The following NFAM1 variants were observed in gnomAD, a reference collection of about 807,000 sequenced individuals.
The protein encoded by NFAM1 is NFAT activating protein with ITAM motif 1.
Under a neutral mutation model 29.0 loss-of-function variants are expected in NFAM1, and 17 were observed. That is an observed-to-expected ratio of 0.59 (90% CI 0.40 to 0.88). The LOEUF (loss-of-function observed/expected upper bound fraction) is 0.88. Among genes scored for constraint, NFAM1 ranks in the 40% least tolerant of loss-of-function variants. The pLI is 0.00. For missense variants in NFAM1, 324 were observed against 344.6 expected (o/e 0.94, Z 0.47); for synonymous variants, 175 against 147.2 (o/e 1.19, Z -1.36).
Position 42,405,743 on chromosome 22 carries a change from G to C in NFAM1, c.564+3692C>G, listed in dbSNP as rs151321711. Among the ~76,000 whole-genome samples, 760 of 152,232 alleles carry C rather than the reference G, an allele frequency of 5.0e-3. 10 individuals are homozygous for C. Among genetic ancestry groups the C allele is most frequent in the African/African-American group, 0.018 (729 of 41,528 alleles). On this transcript the variant is annotated intron_variant, in intron 3 of 5. Transcript: ENST00000329021. ...TGGGCTGGAGTCAAGGCGGAGCACA[G>C]AGCCCTCCTGGACTTCACAGTGGTA...
intron 1 of NFAM1, among the ~76,000 whole-genome samples, chr22:42,430,385 C>T (rs1047144976): frequency 2.6e-5 from 4 of 152,174 alleles, no homozygotes; most frequent in Admixed American, 6.5e-5. Flanking sequence ...CATGGCAAAA[C>T]TCTGTCTCTA....
Position 42,384,997 on chromosome 22 carries a change from G to T in NFAM1, c.*164C>A. ...GCCTTGGTGGTTGGGGCATAGAATG[G>T]GGGGGCAGTGGGGCCGGCCAAGACA... On this transcript the variant is annotated 3_prime_UTR_variant, in exon 6 of 6. Transcript: ENST00000329021. 1 of 693,518 alleles carries T rather than the reference G, an allele frequency of 1.4e-6. No homozygotes were observed. Among genetic ancestry groups the T allele is most frequent in the Non-Finnish European group, 2.6e-6 (1 of 384,078 alleles). 43.0% of individuals were successfully genotyped at this position (693,518 alleles called of 1,614,324 possible). A position where few individuals can be genotyped will look rare whatever the true frequency, so the allele number is the denominator to read the frequency against.
At chr22:42,411,369 T>C in intron 2 of NFAM1, 38 bp downstream of exon 2, 1 of 1,518,242 alleles carries the variant, frequency 6.6e-7, no homozygotes, top group Non-Finnish European at 9.1e-7. Context: ...GAAACCTCTG[T>C]GTCCTTTGCC....
At position 42,384,345 on chromosome 22, in the gene NFAM1, G is replaced by T; in HGVS notation, c.*816C>A. 1 of 153,294 alleles carries T rather than the reference G, an allele frequency of 6.5e-6. No individual in the cohort carries two copies. Among genetic ancestry groups the T allele is most frequent in the Non-Finnish European group, 1.5e-5 (1 of 68,446 alleles). 9.5% of individuals were successfully genotyped at this position (153,294 alleles called of 1,614,324 possible). A position where few individuals can be genotyped will look rare whatever the true frequency, so the allele number is the denominator to read the frequency against. On this transcript the variant is annotated 3_prime_UTR_variant, in exon 6 of 6. Transcript: ENST00000329021. Reference sequence around the variant, plus strand: ...TGACAGAGTGCACGTACAGGGCCAGGCCAATGGGAGTGGGAACCCTTGGGA... The same window carrying T: ...TGACAGAGTGCACGTACAGGGCCAGTCCAATGGGAGTGGGAACCCTTGGGA...
At position 42,397,892 on chromosome 22, in the gene NFAM1, C is replaced by G; in HGVS notation, c.629G>C (p.Ser210Thr). The change falls in exon 4 of 6, where the codon AGC becomes ACC. Residue 210 changes from serine to threonine, a missense_variant. Transcript: ENST00000329021. Reference sequence around the variant, plus strand: ...AGATTCTGAAGGATGCTGCTTGGGGCTGCTGGCAGATCTTGGATCTGGGCA... The same window carrying G: ...AGATTCTGAAGGATGCTGCTTGGGGGTGCTGGCAGATCTTGGATCTGGGCA... ...RKCPDPRSAS[S>T]PKQHPSESVY... 6.2e-7 allele frequency: 1 copy of G among 1,613,168 alleles called. No individual in the cohort carries two copies. The highest frequency in any genetic ancestry group is 1.3e-5 in the African/African-American group (1 of 75,010).
chr22:42,421,870 C>T (rs1402789606), intron 1 of NFAM1, among the ~76,000 whole-genome samples: 1 of 64,048 alleles, frequency 1.6e-5, no homozygotes, highest in East Asian at 2.8e-4. Flanking sequence ...TGAAAGGCTG[C>T]GATCGGGGCT....
At chr22:42,417,460 CGTCTCAAGGA>C (rs1930298287) in intron 1 of NFAM1, among the ~76,000 whole-genome samples, 1 of 152,140 alleles carries the variant, frequency 6.6e-6, no homozygotes, top group Admixed American at 6.5e-5. Flanking sequence ...AGGGAGGAAA[CGTCTCAAGGA>C]GCCCCAGGTG....
upstream of NFAM1, among the ~76,000 whole-genome samples, chr22:42,433,520 C>A (rs1437615702): frequency 6.6e-6 from 1 of 152,196 alleles, no homozygotes; most frequent in African/African-American, 2.4e-5. Context: ...CTACTGCCTG[C>A]TCAGGTGTGT....
chr22:42,386,392 A>ACACACACACACACAC (rs1569224374), intron 5 of NFAM1, among the ~76,000 whole-genome samples: 1 of 48,978 alleles, frequency 2.0e-5, no homozygotes, highest in African/African-American at 1.4e-4. Context: ...AACAAAAACA[A>ACACACACACACACAC]ACAAACACAC....
intron 1 of NFAM1, among the ~76,000 whole-genome samples, chr22:42,413,023 T>A (rs1321045106): frequency 6.6e-6 from 1 of 152,204 alleles, no homozygotes; most frequent in Non-Finnish European, 1.5e-5. Flanking sequence ...GTTTGGATCC[T>A]GGGCTGGGGG....
rs568231307 is a variant in NFAM1, at chr22:42,419,553, G to A, written c.122-7817C>T. 6.6e-6 allele frequency among the ~76,000 whole-genome samples: 1 copy of A among 152,194 alleles called. No individual in the cohort carries two copies. ...GGGCCACTGCTAAGAAAAATGGAAA[G>A]TCCCTGGCTTGGAGGATCCAGTTCT... is the stretch of plus-strand genomic sequence containing the variant. On this transcript the variant is annotated intron_variant, in intron 1 of 5. Transcript: ENST00000329021. This position sits in a 1 kb window ranked among gnomAD's most constrained non-coding sequence, Gnocchi z 4.5.
At chr22:42,427,106 C>A (rs1052554280) in intron 1 of NFAM1, among the ~76,000 whole-genome samples, 5 of 151,244 alleles carry the variant, frequency 3.3e-5, no homozygotes, top group African/African-American at 9.7e-5. Context: ...TGTCCATACC[C>A]CTCCCCTCCC....
rs906050063 is a variant in NFAM1, at chr22:42,388,719, G to T, written c.664-1641C>A. On this transcript the variant is annotated intron_variant, in intron 4 of 5. Coordinates refer to ENST00000329021, the MANE Select transcript of NFAM1 (RefSeq NM_145912.8). This position sits in a 1 kb window ranked among gnomAD's most constrained non-coding sequence, Gnocchi z 4.1. ...GAAAATCCAAGTAATAAACCATTTG[G>T]CACTTGGGAGACCCTCACTTCAAGG... Among the ~76,000 whole-genome samples, 1 of 152,170 alleles carries T rather than the reference G, an allele frequency of 6.6e-6. No homozygotes were observed. The highest frequency in any genetic ancestry group is 6.5e-5 in the Admixed American group (1 of 15,276).
intron 3 of NFAM1, among the ~76,000 whole-genome samples, chr22:42,399,632 C>T (rs939682539): frequency 2.0e-5 from 3 of 152,052 alleles, no homozygotes; most frequent in African/African-American, 7.2e-5. Context: ...CTGGAGAAAG[C>T]TCCCGCTGGT....
intron 1 of NFAM1, among the ~76,000 whole-genome samples, chr22:42,412,163 C>G (rs927766676): frequency 1.3e-4 from 19 of 151,878 alleles, no homozygotes; most frequent in Non-Finnish European, 2.6e-4. Flanking sequence ...ACCTGGGAGG[C>G]TGAGGTTGCA....
At position 42,391,157 on chromosome 22, in the gene NFAM1, C is replaced by A. The variant is rs369405393; in HGVS notation, c.664-4079G>T. Among the ~76,000 whole-genome samples, 3 of 152,306 alleles carry A rather than the reference C, an allele frequency of 2.0e-5. No individual in the cohort carries two copies. In the East Asian group the frequency reaches 5.8e-4, roughly 29 times the overall value. ...TTCCCTTGGGATCAGACCTGCTCCG[C>A]GGAGGGGCTGCTCTCCCAGTCTTCC... On this transcript the variant is annotated intron_variant, in intron 4 of 5. Coordinates refer to ENST00000329021, the MANE Select transcript of NFAM1 (RefSeq NM_145912.8).
At chr22:42,402,834 T>C (rs113859237) in intron 3 of NFAM1, among the ~76,000 whole-genome samples, 6 of 135,548 alleles carry the variant, frequency 4.4e-5, no homozygotes, top group African/African-American at 1.3e-4. Context: ...GTGCCTTCTT[T>C]TTTTTTTTTT....
At chr22:42,396,567 C>T (rs1929532859) in intron 4 of NFAM1, among the ~76,000 whole-genome samples, 1 of 151,842 alleles carries the variant, frequency 6.6e-6, no homozygotes, top group Admixed American at 6.6e-5. Flanking sequence ...GAAATATTTT[C>T]ATCTAACAGT....
At chr22:42,387,478 T>C (rs1169750827) in intron 4 of NFAM1, among the ~76,000 whole-genome samples, 1 of 151,886 alleles carries the variant, frequency 6.6e-6, no homozygotes, top group Non-Finnish European at 1.5e-5. Flanking sequence ...ACTGCTCCAA[T>C]AGGATGCCCC....
Sources: gnomAD v4.1 joint callset for allele counts (sites outside exome capture counted in the v4.1 genomes callset) on GRCh38, gnomAD v4.1.1 for gene constraint, Gnocchi (gnomAD v3.1) non-coding constraint, MANE v1.5 for transcripts, NCBI Gene and HGNC (gene_info 2026-07-23, HGNC 2026-07-21) for gene names.